Variants in ATP10B observed in about 807,000 individuals in gnomAD.
ATP10B encodes phospholipid-transporting ATPase VB.
A neutral mutation model predicts 141.2 loss-of-function variants in ATP10B; 122 were observed. The observed-to-expected ratio is 0.86, with a 90% confidence interval of 0.75 to 1.00. The LOEUF is 1.00. Among genes scored for constraint, ATP10B ranks in the 50% least tolerant of loss-of-function variants. ATP10B has a pLI of 0.00. For synonymous variants in ATP10B, 685 were observed against 692.0 expected, an observed-to-expected ratio of 0.99 and a Z score of 0.16; for missense variants, 1,876 against 1,825.3, an observed-to-expected ratio of 1.03 and a Z score of -0.51.
the ATP10B span, among the ~76,000 whole-genome samples, chr5:160,889,672 A>G: frequency 6.6e-6 from 1 of 152,194 alleles, no homozygotes; most frequent in Non-Finnish European, 1.5e-5. Context: ...AAATAAAGAC[A>G]TGTGAGAATG....
At chr5:160,579,780 A>G (rs1376852900) in intron 24 of ATP10B, among the ~76,000 whole-genome samples, 2 of 152,116 alleles carry the variant, frequency 1.3e-5, no homozygotes, top group Non-Finnish European at 2.9e-5. Flanking sequence ...CACAATATTG[A>G]TTCTTCCTAT....
At chr5:160,720,762 G>GT (rs990347862) in intron 2 of ATP10B, among the ~76,000 whole-genome samples, 7 of 152,206 alleles carry the variant, frequency 4.6e-5, no homozygotes, top group Admixed American at 3.9e-4. Context: ...CTTCCTGGAT[G>GT]TTTTACCACA....
At chr5:160,874,129 G>C in the ATP10B span, among the ~76,000 whole-genome samples, 18 of 152,088 alleles carry the variant, frequency 1.2e-4, no homozygotes, top group Non-Finnish European at 2.4e-4. Context: ...AGACTTAAAT[G>C]TCCCTGTCTG....
intron 13 of ATP10B, among the ~76,000 whole-genome samples, chr5:160,626,073 A>G (rs770121888): frequency 2.0e-5 from 3 of 152,232 alleles, no homozygotes; most frequent in Non-Finnish European, 2.9e-5. Context: ...CTGGTTTCCC[A>G]TGTGGACCAT....
upstream of ATP10B, among the ~76,000 whole-genome samples, chr5:160,855,023 C>G (rs966183834): frequency 6.6e-6 from 1 of 152,120 alleles, no homozygotes; most frequent in Non-Finnish European, 1.5e-5. Context: ...ATTTCCAGCT[C>G]TGTTATAAAG....
At chr5:160,619,830 C>T (rs866044892) in intron 15 of ATP10B, among the ~76,000 whole-genome samples, 1 of 152,154 alleles carries the variant, frequency 6.6e-6, no homozygotes, top group Non-Finnish European at 1.5e-5. Context: ...CTGAGGCTTC[C>T]CAGAGTACAC....
intron 7 of ATP10B, among the ~76,000 whole-genome samples, chr5:160,655,615 C>T (rs1275140741): frequency 6.6e-6 from 1 of 152,088 alleles, no homozygotes; most frequent in Non-Finnish European, 1.5e-5. Flanking sequence ...CTGACTCATG[C>T]CGTAGAAAAA....
upstream of ATP10B, among the ~76,000 whole-genome samples, chr5:160,852,726 G>C (rs183176049): frequency 6.6e-6 from 1 of 152,200 alleles, no homozygotes; most frequent in Non-Finnish European, 1.5e-5. Context: ...TGGGCTTATT[G>C]ATAGCTTCGA....
intron 1 of ATP10B, among the ~76,000 whole-genome samples, chr5:160,796,663 T>A (rs1176364505): frequency 6.6e-6 from 1 of 152,178 alleles, no homozygotes; most frequent in African/African-American, 2.4e-5. Flanking sequence ...ATCAGCAAAT[T>A]GCAGAGAAAA....
intron 13 of ATP10B, 58 bp from the exon 14 acceptor site, chr5:160,622,643 A>T: frequency 6.8e-7 from 1 of 1,461,246 alleles, no homozygotes; most frequent in South Asian, 1.2e-5. Flanking sequence ...ACTCCAGAAG[A>T]ATCTTCACAT....
chr5:160,898,324 T>C, the ATP10B span, among the ~76,000 whole-genome samples: 1 of 152,058 alleles, frequency 6.6e-6, no homozygotes, highest in South Asian at 2.1e-4. Flanking sequence ...CCCCTCAAAA[T>C]GTGGGCAAAG....
intron 1 of ATP10B, among the ~76,000 whole-genome samples, chr5:160,840,110 C>G (rs1468344055): frequency 6.6e-6 from 1 of 151,754 alleles, no homozygotes; most frequent in African/African-American, 2.4e-5. Context: ...GAAAGATGGC[C>G]CTTGTTCTTG....
chr5:160,898,590 T>C, the ATP10B span, among the ~76,000 whole-genome samples: 11 of 152,214 alleles, frequency 7.2e-5, no homozygotes, highest in Admixed American at 7.2e-4. Flanking sequence ...AGTGTGACGA[T>C]TCCTCAAGGA....
intron 8 of ATP10B, among the ~76,000 whole-genome samples, chr5:160,645,352 C>T (rs1453648696): frequency 6.6e-6 from 1 of 152,152 alleles, no homozygotes; most frequent in African/African-American, 2.4e-5. Flanking sequence ...GGTAGTCTTG[C>T]TTTTCATACA....
At chr5:160,623,501 T>C (rs748868404) in intron 13 of ATP10B, among the ~76,000 whole-genome samples, 1 of 150,628 alleles carries the variant, frequency 6.6e-6, no homozygotes, top group Non-Finnish European at 1.5e-5. Context: ...TTTTTCAAGA[T>C]AAAGCAAAGA....
At chr5:160,672,086 C>A (rs113584093) in intron 6 of ATP10B, among the ~76,000 whole-genome samples, 1 of 150,022 alleles carries the variant, frequency 6.7e-6, no homozygotes, top group Non-Finnish European at 1.5e-5. Flanking sequence ...AAGTGATCCT[C>A]CTTCCTCAGC....
intron 7 of ATP10B, among the ~76,000 whole-genome samples, chr5:160,665,858 TCA>T (rs1762288456): frequency 6.6e-6 from 1 of 152,168 alleles, no homozygotes; most frequent in South Asian, 2.1e-4. Context: ...GGTGAAGGTC[TCA>T]AAGACAGTAG....
chr5:160,692,046 A>G (rs1764104528), intron 3 of ATP10B, among the ~76,000 whole-genome samples: 3 of 152,240 alleles, frequency 2.0e-5, no homozygotes. Flanking sequence ...TGCCATCCAT[A>G]TCAGACTTCT....
chr5:160,736,641 T>C (rs1300444189), intron 2 of ATP10B, among the ~76,000 whole-genome samples: 2 of 152,102 alleles, frequency 1.3e-5, no homozygotes, highest in Non-Finnish European at 2.9e-5. Flanking sequence ...ACGCCTGTAG[T>C]CCCAACTACC....
Sources: gnomAD v4.1 joint callset for allele counts (sites outside exome capture counted in the v4.1 genomes callset) on GRCh38, gnomAD v4.1.1 for gene constraint, MANE v1.5 for transcripts, NCBI Gene and HGNC (gene_info 2026-07-23, HGNC 2026-07-21) for gene names.